DNAI4: variants seen among roughly 807,000 people sequenced by gnomAD.
DNAI4 encodes WD repeat domain 78.
In DNAI4, 85 loss-of-function variants were observed where a neutral mutation model predicts 105.8. The observed-to-expected ratio is 0.80, with a 90% CI of 0.67 to 0.96. The LOEUF (loss-of-function observed/expected upper bound fraction) is 0.96, where lower values mean the gene tolerates loss of function less well. Ranked by LOEUF, DNAI4 falls within the 40% of genes least tolerant of loss-of-function variation. DNAI4 has a pLI of 0.00. For missense variants in DNAI4, 1,014 were observed against 1,005.6 expected (o/e 1.01, Z -0.11); for synonymous variants, 352 against 331.5 (o/e 1.06, Z -0.67).
At chr1:66,916,082 C>CT (rs1172715017) in intron 1 of DNAI4, among the ~76,000 whole-genome samples, 1 of 44,204 alleles carries the variant, frequency 2.3e-5, no homozygotes, top group East Asian at 8.1e-4. Flanking sequence ...AAGACTCTGT[C>CT]TAAAAAAAAA....
chr1:66,897,276 A>C (rs1648413437), intron 2 of DNAI4, among the ~76,000 whole-genome samples: 1 of 152,246 alleles, frequency 6.6e-6, no homozygotes, highest in African/African-American at 2.4e-5. Flanking sequence ...ATATCTAAGC[A>C]AAGTGTTCAA....
intron 7 of DNAI4, 156 bp from the exon 8 acceptor site, chr1:66,847,834 A>C (rs931965033): frequency 1.6e-6 from 1 of 608,140 alleles, no homozygotes; most frequent in Non-Finnish European, 2.8e-6. Context: ...CGTACCAAGC[A>C]CATGAAAGAT....
intron 10 of DNAI4, 48 bp downstream of exon 10, chr1:66,837,662 T>C: frequency 1.9e-6 from 3 of 1,538,552 alleles, no homozygotes; most frequent in East Asian, 2.3e-5. Flanking sequence ...TTTATGAGAA[T>C]TTTGTCAACA....
chr1:66,861,666 G>A (rs1646628592), intron 7 of DNAI4, among the ~76,000 whole-genome samples: 1 of 152,142 alleles, frequency 6.6e-6, no homozygotes. Flanking sequence ...TGTACTGAAA[G>A]ATTTTTTGCA....
intron 15 of DNAI4, among the ~76,000 whole-genome samples, chr1:66,825,258 C>G (rs1645727162): frequency 1.4e-5 from 2 of 146,114 alleles, no homozygotes; most frequent in Admixed American, 1.4e-4. Flanking sequence ...CGGCTCACTG[C>G]AAGCTCCGCT....
chr1:66,844,488 G>A (rs942722032), intron 8 of DNAI4, among the ~76,000 whole-genome samples: 3 of 152,050 alleles, frequency 2.0e-5, no homozygotes, highest in Non-Finnish European at 4.4e-5. Flanking sequence ...CCTTGAGCCC[G>A]GGAGGCGGAG....
rs111622481 is a variant in DNAI4 at position 66,868,627 on chromosome 1, G to A, written c.940+2743C>T. 4.3e-3 allele frequency among the ~76,000 whole-genome samples: 657 copies of A among 152,188 alleles called. 5 individuals carry two copies. Among genetic ancestry groups the A allele is most frequent in the African/African-American group, 0.015 (616 of 41,502 alleles). On this transcript the variant is annotated intron_variant, in intron 6 of 16. Transcript: ENST00000371026. ...AGGTGTTCAGAGGTAGACTGGAATC[G>A]ATACTGTTGGCTCTTCAACTCTCAG...
intron 15 of DNAI4, 112 bp from the exon 16 acceptor site, chr1:66,822,629 C>A (rs1162202302): frequency 1.0e-6 from 1 of 981,112 alleles, no homozygotes; most frequent in Non-Finnish European, 1.4e-6. Flanking sequence ...AACCATAAGC[C>A]TATTTAAGTG....
intron 4 of DNAI4, among the ~76,000 whole-genome samples, chr1:66,888,343 G>A (rs1311610714): frequency 6.6e-6 from 1 of 151,992 alleles, no homozygotes; most frequent in Non-Finnish European, 1.5e-5. Flanking sequence ...GAAGCCAGTG[G>A]GTAGAAGTAG....
intron 7 of DNAI4, chr1:66,860,810 A>G (rs901914569): frequency 5.9e-5 from 9 of 152,160 alleles, no homozygotes; most frequent in Non-Finnish European, 1.2e-4. Flanking sequence ...GATTGTTCTG[A>G]GCAGTTTTTG....
chr1:66,898,278 T>G (rs1304568045), intron 2 of DNAI4, among the ~76,000 whole-genome samples: 1 of 152,260 alleles, frequency 6.6e-6, no homozygotes, highest in East Asian at 1.9e-4. Context: ...TCTGGGCTTT[T>G]GAGTTGATGT....
rs1272041744 is a variant in DNAI4 at position 66,876,146 on chromosome 1, A to G, written c.644-1209T>C. 2.6e-5 allele frequency among the ~76,000 whole-genome samples: 4 copies of G among 152,026 alleles called. No homozygotes were observed. The East Asian group carries it at 5.8e-4, about 22-fold the overall frequency. On this transcript the variant is annotated intron_variant, in intron 4 of 16. Coordinates refer to ENST00000371026, the MANE Select transcript of DNAI4 (RefSeq NM_024763.5). ...GTAAAAGATTTTATTTATATAAGTA[A>G]ATTTGACTAAGACAGACAAAATGAG...
intron 4 of DNAI4, 117 bp from the exon 5 acceptor site, chr1:66,875,054 A>G: frequency 6.1e-6 from 6 of 986,970 alleles, no homozygotes; most frequent in Non-Finnish European, 8.7e-6. Flanking sequence ...TTATATAGTC[A>G]AGGAACAGGC....
intron 1 of DNAI4, among the ~76,000 whole-genome samples, chr1:66,918,312 T>C (rs574365587): frequency 2.2e-4 from 34 of 152,376 alleles, no homozygotes; most frequent in South Asian, 1.0e-3. Context: ...TAGTCTTTCC[T>C]AATGTTTTCT....
At position 66,813,943 on chromosome 1, in the gene DNAI4, T is replaced by C. The variant is rs918064954; in HGVS notation, c.*187A>G. 15 of 486,222 alleles carry C rather than the reference T, an allele frequency of 3.1e-5. No individual in the cohort carries two copies. Among genetic ancestry groups the C allele is most frequent in the African/African-American group, 1.4e-4 (7 of 50,184 alleles). The allele number at this position is 486,222 out of a possible 1,614,324, so 30.1% of individuals were successfully genotyped here. A position where few individuals can be genotyped will look rare whatever the true frequency, so the allele number is the denominator to read the frequency against. On this transcript the variant is annotated 3_prime_UTR_variant, in exon 17 of 17. Coordinates refer to ENST00000371026, the MANE Select transcript of DNAI4 (RefSeq NM_024763.5). ...AAAATTCCACTGAAACTCTTAAGAA[T>C]AACTCTTAGATTGTAAACTAATCAA...
chr1:66,887,268 T>C (rs1197602641), intron 4 of DNAI4, among the ~76,000 whole-genome samples: 1 of 152,244 alleles, frequency 6.6e-6, no homozygotes, highest in Non-Finnish European at 1.5e-5. Flanking sequence ...GGAACTGTAT[T>C]TCTCTGGATT....
chr1:66,850,008 A>C (rs751662209), intron 7 of DNAI4, among the ~76,000 whole-genome samples: 24 of 152,110 alleles, frequency 1.6e-4, no homozygotes, highest in South Asian at 2.1e-4. Context: ...TAAAGAAATA[A>C]TAGCTGAAAA....
chr1:66,864,339 T>G (rs1646687227), intron 6 of DNAI4, among the ~76,000 whole-genome samples: 1 of 152,206 alleles, frequency 6.6e-6, no homozygotes, highest in South Asian at 2.1e-4. Flanking sequence ...TATAATTATA[T>G]GCTATTAAAG....
At position 66,890,640 on chromosome 1, in the gene DNAI4, A is replaced by G. The variant is rs1323671686; in HGVS notation, c.643+514T>C. On this transcript the variant is annotated intron_variant, in intron 4 of 16. Coordinates refer to ENST00000371026, the MANE Select transcript of DNAI4 (RefSeq NM_024763.5). The surrounding 1 kb of genome is among the most constrained non-coding windows in gnomAD (Gnocchi z 4.1). Reference sequence around the variant, plus strand: ...GGAAAGAAGAAAGAAGAAGAGGAAGAAGAAGAAGAGGAAGAGGAGAAGGAA... The same window carrying G: ...GGAAAGAAGAAAGAAGAAGAGGAAGGAGAAGAAGAGGAAGAGGAGAAGGAA... 1 of 192,974 alleles carries G rather than the reference A, an allele frequency of 5.2e-6. No individual in the cohort carries two copies. The highest frequency in any genetic ancestry group is 1.0e-5 in the Non-Finnish European group (1 of 95,512). The allele number at this position is 192,974 out of a possible 1,614,324, so 12.0% of individuals were successfully genotyped here.
Sources: allele counts gnomAD v4.1 joint callset (sites outside exome capture counted in the v4.1 genomes callset), GRCh38; gene constraint gnomAD v4.1.1; non-coding constraint Gnocchi (gnomAD v3.1); transcripts MANE v1.5; gene names NCBI Gene and HGNC (gene_info 2026-07-23, HGNC 2026-07-21).